The following MCM7 variants were observed in gnomAD, a reference collection of about 807,000 sequenced individuals.
MCM7 encodes the protein DNA replication licensing factor MCM7.
MCM7 carries 95 observed loss-of-function variants against 83.5 expected under a neutral mutation model. The observed-to-expected ratio is 1.14, with a 90% CI of 0.96 to 1.35. The LOEUF (loss-of-function observed/expected upper bound fraction) is 1.35, where lower values mean the gene tolerates loss of function less well. Ranked by LOEUF, MCM7 falls within the 40% of genes most tolerant of loss-of-function variation. The pLI, the probability that MCM7 is intolerant of heterozygous loss-of-function variation, is 0.00. For missense variants in MCM7, 1,087 were observed against 957.4 expected (o/e 1.14, Z -1.79); for synonymous variants, 461 against 352.7 (o/e 1.31, Z -3.44).
rs960892926 is a variant in MCM7, at chr7:100,098,248, C to T, written c.763G>A (p.Val255Met). 1.2e-6 allele frequency: 2 copies of T among 1,614,132 alleles called. No individual in the cohort carries two copies. The highest frequency in any genetic ancestry group is 1.7e-6 in the Non-Finnish European group (2 of 1,180,012). The change falls in exon 7 of 15, where the codon GTG becomes ATG. Residue 255 changes from valine (V) to methionine (M), a missense_variant. Transcript: ENST00000303887. ...PVGNIPRSIT[V>M]LVEGENTRIA... ...CTTGTGTTCTCTCCTTCTACCAGCA[C>T]CGTGATACTACGAGGGATATTTCCC...
chr7:100,097,203 G>A (rs538312111), intron 10 of MCM7, 98 bp downstream of exon 10: 9 of 1,029,494 alleles, frequency 8.7e-6, no homozygotes, highest in East Asian at 2.6e-5. Context: ...AGAGCATTGG[G>A]ATTACAGGCG....
chr7:100,096,216 G>GA, intron 10 of MCM7, 49 bp from the exon 11 acceptor site: 6 of 1,511,442 alleles, frequency 4.0e-6, no homozygotes, highest in Non-Finnish European at 5.3e-6. Context: ...ACAAGAAAGA[G>GA]AACAAGCAAA....
chr7:100,100,032 G>C lies in MCM7; in HGVS notation c.93C>G (p.Phe31Leu), dbSNP rs1473113176. ...GACTTACCAACTGGTTCCCATACTT[G>C]AACTGCTTCTTCCCGAGTTCATCAT... ...YQDDELGKKQFKYGNQLVRLA... is the reference protein window; with the variant it reads ...YQDDELGKKQLKYGNQLVRLA... The change falls in exon 2 of 15, where the codon TTC (phenylalanine) becomes TTG (leucine). Residue 31 changes from phenylalanine to leucine, a missense_variant. By Grantham distance (22) the Phe-to-Leu change is conservative (BLOSUM62 0). Transcript: ENST00000303887. The C allele has an allele frequency of 1.2e-6, 2 of 1,613,866 alleles. No homozygotes were observed. Among genetic ancestry groups the C allele is most frequent in the Non-Finnish European group, 8.5e-7 (1 of 1,179,950 alleles).
intron 5 of MCM7, 81 bp downstream of exon 5, chr7:100,098,942 C>T (rs1795786436): frequency 1.9e-6 from 3 of 1,565,474 alleles, no homozygotes; most frequent in Admixed American, 1.7e-5. Context: ...CCAAATAAAA[C>T]AATAGGCATC....
At chr7:100,098,926 T>A (rs1013286314) in intron 5 of MCM7, 97 bp downstream of exon 5, 7 of 1,532,342 alleles carry the variant, frequency 4.6e-6, no homozygotes, top group Non-Finnish European at 4.4e-6. Context: ...CAGGCAACTT[T>A]TACAACCAAA....
intron 14 of MCM7, 78 bp from the exon 15 acceptor site, chr7:100,093,211 G>C: frequency 6.3e-7 from 1 of 1,588,424 alleles, no homozygotes; most frequent in South Asian, 1.1e-5. Flanking sequence ...ATGGTGGCCA[G>C]TGTTAGAATT....
At chr7:100,095,306 A>G (rs922055481) in intron 12 of MCM7, 81 bp downstream of exon 12, 2 of 1,240,974 alleles carry the variant, frequency 1.6e-6, no homozygotes, top group Non-Finnish European at 2.3e-6. Flanking sequence ...AAAAACACAC[A>G]CCCTAAGACT....
rs1201505786 is a variant in MCM7 at position 100,094,163 on chromosome 7, G to T, written c.1848+10C>A. 1 of 1,614,126 alleles carries T rather than the reference G, an allele frequency of 6.2e-7. No homozygotes were observed. Among genetic ancestry groups the T allele is most frequent in the Admixed American group, 1.7e-5 (1 of 60,028 alleles). On this transcript the variant is annotated intron_variant, in intron 13 of 14. Transcript: ENST00000303887. ...AAAACAGATGGCCCTCCAGCAATTT[G>T]GGCACTTACCAGAGCAGTGGAAAGG...
At chr7:100,100,665 G>C in intron 1 of MCM7, 2 of 990,230 alleles carry the variant, frequency 2.0e-6, no homozygotes, top group Non-Finnish European at 2.4e-6. Context: ...GCCTTTCCCG[G>C]GCCCGAGCGA....
At position 100,093,000 on chromosome 7, in the gene MCM7, G is replaced by A; in HGVS notation, c.2092C>T (p.Leu698=). 1 of 1,614,236 alleles carries A rather than the reference G, an allele frequency of 6.2e-7. No individual in the cohort carries two copies. Among genetic ancestry groups the A allele is most frequent in the Non-Finnish European group, 8.5e-7 (1 of 1,180,046 alleles). ...GFTPAQFQAA[L]DEYEELNVWQ... is the part of the protein sequence containing the mutation. Reference sequence around the variant, plus strand: ...ACATTGAGCTCCTCATATTCATCCAGAGCCGCCTGGAACTGGGCGGGTGTG... The same window carrying A: ...ACATTGAGCTCCTCATATTCATCCAAAGCCGCCTGGAACTGGGCGGGTGTG... Residue 698 remains leucine, a synonymous_variant, in exon 15 of 15, where the codon CTG becomes TTG. Coordinates refer to ENST00000303887, the MANE Select transcript of MCM7 (RefSeq NM_005916.5).
rs764680375 is a variant in MCM7 at position 100,097,621 on chromosome 7, T to A, written c.1110A>T (p.Lys370Asn). 8.1e-6 allele frequency: 13 copies of A among 1,613,670 alleles called. No individual in the cohort carries two copies. Among genetic ancestry groups the A allele is most frequent in the Non-Finnish European group, 8.5e-6 (10 of 1,180,026 alleles). Reference sequence around the variant, plus strand: ...TCCCTTGTTTCTTCTTACCCCGGATTTTCATGCCTCGAGGAGACTGGTCCA... The same window carrying A: ...TCCCTTGTTTCTTCTTACCCCGGATATTCATGCCTCGAGGAGACTGGTCCA... Reference protein sequence around the residue: ...GGVDQSPRGMKIRGNINICLM... With the variant: ...GGVDQSPRGMNIRGNINICLM... The change falls in exon 9 of 15, where the codon AAA becomes AAT. Residue 370 changes from lysine to asparagine, a missense_variant. Transcript: ENST00000303887.
At chr7:100,099,957 G>A (rs1228698615) in intron 2 of MCM7, 57 bp downstream of exon 2, 3 of 1,516,216 alleles carry the variant, frequency 2.0e-6, no homozygotes, top group South Asian at 2.3e-5. Flanking sequence ...CCAAGCTGCT[G>A]CTTATGGCTC....
In MCM7 at chr7:100,098,179, A is replaced by G. The variant is rs761660462; in HGVS notation, c.832T>C (p.Leu278=). ...CGGAACCCAGTGCGCAGGATTGGCAAGAAAATACCAGTGACGCTGACGTGG... is the reference window on the plus strand; with the variant it reads ...CGGAACCCAGTGCGCAGGATTGGCAGGAAAATACCAGTGACGCTGACGTGG... ...GDHVSVTGIF[L]PILRTGFRQV... Residue 278 remains leucine (L), a synonymous_variant, in exon 7 of 15, where the codon TTG becomes CTG. Transcript: ENST00000303887. 3.7e-6 allele frequency: 6 copies of G among 1,614,194 alleles called. No individual in the cohort carries two copies. In the South Asian group the frequency reaches 6.6e-5, roughly 18 times the overall value.
intron 8 of MCM7, 28 bp from the exon 9 acceptor site, chr7:100,097,773 T>C: frequency 6.2e-7 from 1 of 1,614,086 alleles, no homozygotes; most frequent in South Asian, 1.1e-5. Flanking sequence ...TTGTTTTATT[T>C]TCTGGGGGAA....
rs775286325 is a variant in MCM7 at position 100,097,960 on chromosome 7, AAAT to A, written c.871-15_871-13del. 3.1e-6 allele frequency: 5 copies of A among 1,611,782 alleles called. No individual in the cohort carries two copies. The East Asian group carries it at 6.7e-5, about 22-fold the overall frequency. The stretch of plus-strand genomic sequence containing the variant: ...TCTGAGAGTAAACCCTTGGGCAGGA[AAAT>A]GCCAGGATACAGATGTAATCCCTTC... On this transcript the variant is annotated splice_polypyrimidine_tract_variant and intron_variant, in intron 7 of 14. Coordinates refer to ENST00000303887, the MANE Select transcript of MCM7 (RefSeq NM_005916.5).
In MCM7 at chr7:100,098,706, G is replaced by C. The variant is rs200625974; in HGVS notation, c.592C>G (p.Pro198Ala). Residue 198 changes from proline (P) to alanine (A), a missense_variant, in exon 6 of 15, where the codon CCC becomes GCC. Pro to Ala is a conservative substitution (Grantham distance 27). Coordinates refer to ENST00000303887, the MANE Select transcript of MCM7 (RefSeq NM_005916.5). ...GAETYQPIQS[P>A]TFMPLIMCPS... ...CACATGATCAGAGGCATGAAAGTGG[G>C]AGACTGGATCTAGGATGTGAGAACA... The C allele has an allele frequency of 3.1e-6, 5 of 1,614,174 alleles. No individual in the cohort carries two copies. The African/African-American group carries it at 6.7e-5, about 22-fold the overall frequency.
Position 100,094,157 on chromosome 7 carries a change from C to G in MCM7, c.1848+16G>C. On this transcript the variant is annotated intron_variant, in intron 13 of 14. Coordinates refer to ENST00000303887, the MANE Select transcript of MCM7 (RefSeq NM_005916.5). The stretch of plus-strand genomic sequence containing the variant: ...AGGGTCAAAACAGATGGCCCTCCAG[C>G]AATTTGGGCACTTACCAGAGCAGTG... 5 of 1,614,074 alleles carry G rather than the reference C, an allele frequency of 3.1e-6. No homozygotes were observed. Among genetic ancestry groups the G allele is most frequent in the Non-Finnish European group, 4.2e-6 (5 of 1,179,968 alleles).
chr7:100,094,405 A>T, intron 12 of MCM7, 64 bp from the exon 13 acceptor site: 1 of 1,588,792 alleles, frequency 6.3e-7, no homozygotes, highest in Non-Finnish European at 8.6e-7. Flanking sequence ...ATATGAGCCC[A>T]TGTTGTTTTC....
chr7:100,099,674 T>TCCA lies in MCM7; in HGVS notation c.188_190dup (p.Val63dup). ...GCGCCTGGCATTCTCACAAATTGAG[T>TCCA]CCACCAACTCGGGGTCATCCTCGGC... is the stretch of plus-strand genomic sequence containing the variant. On this transcript the variant is annotated inframe_insertion, in exon 3 of 15. Coordinates refer to ENST00000303887, the MANE Select transcript of MCM7 (RefSeq NM_005916.5). The TCCA allele has an allele frequency of 6.2e-7, 1 of 1,614,080 alleles. No individual in the cohort carries two copies. The highest frequency in any genetic ancestry group is 8.5e-7 in the Non-Finnish European group (1 of 1,180,026).
Sources: allele counts gnomAD v4.1 joint callset, GRCh38; gene constraint gnomAD v4.1.1; transcripts MANE v1.5; gene names NCBI Gene and HGNC (gene_info 2026-07-23, HGNC 2026-07-21).